Variants in CYBB observed in about 807,000 individuals in gnomAD.
The protein encoded by CYBB is cytochrome b-245 beta chain, also known as NADPH oxidase 2.
Under a neutral mutation model 46.5 loss-of-function variants are expected in CYBB, and 5 were observed. The ratio of observed to expected loss-of-function variants is 0.11; its 90% CI spans 0.06 to 0.23. The LOEUF is 0.23. CYBB is among the 10% of genes least tolerant of loss of function. The pLI is 1.00. For missense variants in CYBB, 307 were observed against 428.3 expected (o/e 0.72, Z 2.50); for synonymous variants, 183 against 156.7 (o/e 1.17, Z -1.26).
At chrX:37,795,147 AC>A (rs1304401651) in intron 5 of CYBB, among the ~76,000 whole-genome samples, 2 of 111,233 alleles carry the variant, frequency 1.8e-5, no homozygotes, top group African/African-American at 6.5e-5. Context: ...ATAACCTGTA[AC>A]TGTTTCCTCC....
chrX:37,798,865 A>T, intron 6 of CYBB, 90 bp from the exon 7 acceptor site: 2 of 962,510 alleles, frequency 2.1e-6, no homozygotes, highest in Non-Finnish European at 2.9e-6. Context: ...CAGGGCCTAC[A>T]TCAGAGCACT....
At chrX:37,793,868 A>T (rs1929247320) in intron 5 of CYBB, 58 bp downstream of exon 5, 1 of 1,092,725 alleles carries the variant, frequency 9.2e-7, no homozygotes, top group East Asian at 3.0e-5. Context: ...TGAGGACTAG[A>T]TTTCAGTGAG....
chrX:37,791,867 G>T, intron 3 of CYBB, 108 bp from the exon 4 acceptor site: 1 of 568,075 alleles, frequency 1.8e-6, no homozygotes, highest in Non-Finnish European at 3.1e-6. Context: ...GATACAGTTT[G>T]CAGGGTGGTC....
intron 1 of CYBB, among the ~76,000 whole-genome samples, chrX:37,781,532 G>A (rs1928952167): frequency 8.9e-6 from 1 of 111,919 alleles, no homozygotes; most frequent in African/African-American, 3.3e-5. Context: ...AGCTGTTTTT[G>A]TTGTAAATCC....
At chrX:37,810,086 G>C (rs1434771268) in intron 12 of CYBB, among the ~76,000 whole-genome samples, 1 of 111,752 alleles carries the variant, frequency 8.9e-6, no homozygotes, top group Admixed American at 9.5e-5. Context: ...AAGCTTCTGG[G>C]TCTAAAATCT....
intron 9 of CYBB, 63 bp downstream of exon 9, chrX:37,804,193 C>A: frequency 1.8e-6 from 2 of 1,092,238 alleles, no homozygotes; most frequent in Non-Finnish European, 2.5e-6. Context: ...TAAATAGCTC[C>A]TCTTCCTCCA....
intron 3 of CYBB, among the ~76,000 whole-genome samples, chrX:37,784,395 A>G (rs1408390551): frequency 9.0e-6 from 1 of 111,605 alleles, no homozygotes; most frequent in African/African-American, 3.3e-5. Context: ...GAAGAAGGGC[A>G]TTTTAGAGAA....
In CYBB at chrX:37,805,180, C is replaced by T. The variant is rs782580197; in HGVS notation, c.1314+12C>T. 2 of 1,207,414 alleles carry T rather than the reference C, an allele frequency of 1.7e-6. No individual in the cohort carries two copies. Among genetic ancestry groups the T allele is most frequent in the South Asian group, 3.5e-5 (2 of 56,855 alleles). ...TGAAGCTCAAAAAGGTAAGTCCTTTCATTTATCGGAGGGCCTTAGAGCAGT... is the reference window on the plus strand; with the variant it reads ...TGAAGCTCAAAAAGGTAAGTCCTTTTATTTATCGGAGGGCCTTAGAGCAGT... On this transcript the variant is annotated intron_variant, in intron 10 of 12. Transcript: ENST00000378588.
At position 37,813,457 on chromosome X, in the gene CYBB, C is replaced by T. The variant is rs1168660171; in HGVS notation, c.*2540C>T. 9.0e-6 allele frequency: 1 copy of T among 111,002 alleles called. No individual in the cohort carries two copies. The highest frequency in any genetic ancestry group is 3.8e-4 in the South Asian group (1 of 2,636). The allele number at this position is 111,002 out of a possible 1,213,427, so 9.1% of individuals were successfully genotyped here. A position where few individuals can be genotyped will look rare whatever the true frequency, so the allele number is the denominator to read the frequency against. ...GTGCTCAACTATTAAAATGAATGAGCTTTCTTTGTGTCTGTGTTACTGATC... is the reference window on the plus strand; with the variant it reads ...GTGCTCAACTATTAAAATGAATGAGTTTTCTTTGTGTCTGTGTTACTGATC... On this transcript the variant is annotated 3_prime_UTR_variant, in exon 13 of 13. Coordinates refer to ENST00000378588, the MANE Select transcript of CYBB (RefSeq NM_000397.4).
rs13306299 is a variant in CYBB, at chrX:37,805,284, T to C, written c.1314+116T>C. ...GAGACCATGGGAAGTGAAGAAAAGC[T>C]TCCGGTGGTTCCAGAGAGACAGGCT... On this transcript the variant is annotated intron_variant, in intron 10 of 12. Coordinates refer to ENST00000378588, the MANE Select transcript of CYBB (RefSeq NM_000397.4). 2.8e-5 allele frequency: 20 copies of C among 712,273 alleles called. No individual in the cohort carries two copies. In the East Asian group the frequency reaches 6.4e-4, roughly 23 times the overall value. 58.7% of individuals were successfully genotyped at this position (712,273 alleles called of 1,213,427 possible).
intron 7 of CYBB, among the ~76,000 whole-genome samples, chrX:37,800,880 T>C (rs782214452): frequency 1.8e-5 from 2 of 112,336 alleles, no homozygotes; most frequent in East Asian, 2.8e-4. Context: ...AAAAATATTG[T>C]GTTGCTGAAA....
chrX:37,800,155 T>A (rs1466270637), intron 7 of CYBB, among the ~76,000 whole-genome samples: 1 of 111,488 alleles, frequency 9.0e-6, no homozygotes, highest in Non-Finnish European at 1.9e-5. Flanking sequence ...GCACATTTCC[T>A]CGATGACAGC....
intron 7 of CYBB, among the ~76,000 whole-genome samples, chrX:37,800,293 A>G (rs1405472357): frequency 2.7e-5 from 3 of 111,447 alleles, no homozygotes; most frequent in African/African-American, 9.8e-5. Flanking sequence ...CAGATAGATG[A>G]TTTGAGACTG....
At chrX:37,810,727 C>T (rs1929655176) in intron 12 of CYBB, 64 bp from the exon 13 acceptor site, 5 of 1,147,787 alleles carry the variant, frequency 4.4e-6, no homozygotes, top group Non-Finnish European at 5.9e-6. Context: ...GGAAATTCAC[C>T]TACCTGCTTT....
chrX:37,798,795 T>C (rs1158721940), intron 6 of CYBB, among the ~76,000 whole-genome samples, 160 bp from the exon 7 acceptor site: 6 of 112,320 alleles, frequency 5.3e-5, no homozygotes, highest in African/African-American at 1.6e-4. Flanking sequence ...GTGTTATGCA[T>C]TTTCTTTCCT....
chrX:37,801,413 A>G (rs782029265), intron 8 of CYBB, 65 bp downstream of exon 8: 23 of 688,174 alleles, frequency 3.3e-5, no homozygotes, highest in Admixed American at 1.3e-4. Context: ...AGTCTTCCCA[A>G]CTCCTCTATA....
Position 37,796,100 on chromosome X carries a change from C to G in CYBB, c.633C>G (p.Leu211=). The change falls in exon 6 of 13, where the codon CTC becomes CTG. Residue 211 remains leucine, a synonymous_variant. Transcript: ENST00000378588. ...AAGTCTTTTGGTACACACATCATCT[C>G]TTTGTGATCTTCTTCATTGGCCTTG... The part of the protein sequence containing the change: ...YFEVFWYTHH[L]FVIFFIGLAI... 8.3e-7 allele frequency: 1 copy of G among 1,210,356 alleles called. No individual in the cohort carries two copies. The highest frequency in any genetic ancestry group is 1.1e-6 in the Non-Finnish European group (1 of 894,452).
At chrX:37,810,730 C>A in intron 12 of CYBB, 61 bp from the exon 13 acceptor site, 6 of 1,160,032 alleles carry the variant, frequency 5.2e-6, no homozygotes, top group Non-Finnish European at 7.0e-6. Context: ...AATTCACCTA[C>A]CTGCTTTGTA....
intron 9 of CYBB, 141 bp from the exon 10 acceptor site, chrX:37,804,865 A>G: frequency 1.6e-6 from 1 of 642,310 alleles, no homozygotes; most frequent in South Asian, 2.5e-5. Flanking sequence ...CTTGAAAGCT[A>G]TTTCATAGAA....
Sources: allele counts gnomAD v4.1 joint callset (sites outside exome capture counted in the v4.1 genomes callset), GRCh38; gene constraint gnomAD v4.1.1; transcripts MANE v1.5; gene names NCBI Gene and HGNC (gene_info 2026-07-23, HGNC 2026-07-21).